C16orf96: variants seen among roughly 807,000 people sequenced by gnomAD.
C16orf96 encodes the protein uncharacterized protein C16orf96.
C16orf96 carries 108 observed loss-of-function variants against 103.6 expected under a neutral mutation model. That is an observed-to-expected ratio of 1.04 (90% CI 0.89 to 1.22). The LOEUF is 1.22. Among genes scored for constraint, C16orf96 ranks in the 50% most tolerant of loss-of-function variants. The pLI, the probability that C16orf96 is intolerant of heterozygous loss-of-function variation, is 0.00. For synonymous variants in C16orf96, 566 were observed against 593.5 expected, an observed-to-expected ratio of 0.95 and a Z score of 0.67; for missense variants, 1,586 against 1,464.2, an observed-to-expected ratio of 1.08 and a Z score of -1.36.
chr16:4,547,396 C>G, the C16orf96 span, among the ~76,000 whole-genome samples: 1 of 148,810 alleles, frequency 6.7e-6, no homozygotes, highest in Non-Finnish European at 1.5e-5. Flanking sequence ...CTTGGCCTCC[C>G]AAAGTGCTGG....
Position 4,595,014 on chromosome 16 carries a change from T to C in C16orf96, c.3127+211T>C, listed in dbSNP as rs1050642372. ...AGACCGCGGGAGCGAGGATCTGCTG[T>C]TCCCGAGATCAACAGCTGACCAGAG... On this transcript the variant is annotated intron_variant, in intron 14 of 15. Coordinates refer to ENST00000444310, the MANE Select transcript of C16orf96 (RefSeq NM_001145011.2). Among the ~76,000 whole-genome samples, 4 of 152,224 alleles carry C rather than the reference T, an allele frequency of 2.6e-5. No individual in the cohort carries two copies. The South Asian group carries it at 8.3e-4, about 32-fold the overall frequency.
chr16:4,554,020 G>A (rs1213137303), upstream of C16orf96, among the ~76,000 whole-genome samples: 1 of 152,130 alleles, frequency 6.6e-6, no homozygotes, highest in East Asian at 1.9e-4. Flanking sequence ...GTGCTGGCTG[G>A]GTTGGGAGTC....
intron 7 of C16orf96, among the ~76,000 whole-genome samples, chr16:4,583,389 C>T (rs1896839871): frequency 1.3e-5 from 2 of 151,866 alleles, no homozygotes; most frequent in South Asian, 4.2e-4. Flanking sequence ...GCCTATAGTC[C>T]CAGCTACCAG....
upstream of C16orf96, among the ~76,000 whole-genome samples, chr16:4,551,669 G>GT (rs397779309): frequency 0.011 from 1 of 90 alleles, no homozygotes. Flanking sequence ...TAGCCAGGAT[G>GT]TCTCCATCTC....
the C16orf96 span, among the ~76,000 whole-genome samples, chr16:4,540,999 C>T: frequency 2.0e-5 from 3 of 151,610 alleles, no homozygotes; most frequent in Admixed American, 6.6e-5. Context: ...CTGCAACCTC[C>T]GTCTCCCAGG....
At chr16:4,583,822 G>A (rs1896849114) in intron 7 of C16orf96, among the ~76,000 whole-genome samples, 1 of 151,636 alleles carries the variant, frequency 6.6e-6, no homozygotes, top group South Asian at 2.1e-4. Context: ...TTACTTGGGA[G>A]GCTGAGGCAG....
At chr16:4,567,501 T>C (rs147371493) in intron 1 of C16orf96, among the ~76,000 whole-genome samples, 3,053 of 151,454 alleles carry the variant, frequency 0.02, 61 homozygotes, top group Middle Eastern at 0.038. Flanking sequence ...TTAGCCAGGA[T>C]GGTTTTGATC....
At chr16:4,568,798 T>A (rs192758193) in intron 1 of C16orf96, among the ~76,000 whole-genome samples, 36 of 151,254 alleles carry the variant, frequency 2.4e-4, no homozygotes, top group Non-Finnish European at 3.8e-4. Flanking sequence ...CTGTCTAATT[T>A]TGGTATTTTT....
chr16:4,584,695 C>T (rs1215224494), intron 7 of C16orf96, among the ~76,000 whole-genome samples: 2 of 152,058 alleles, frequency 1.3e-5, no homozygotes, highest in Non-Finnish European at 2.9e-5. Flanking sequence ...CCACCACACT[C>T]GGCTAATTTT....
chr16:4,600,106 G>C lies in C16orf96; in HGVS notation c.3215G>C (p.Cys1072Ser). 4 of 1,551,096 alleles carry C rather than the reference G, an allele frequency of 2.6e-6. No homozygotes were observed. Residue 1072 changes from cysteine to serine, a missense_variant, in exon 16 of 16, where the codon TGC becomes TCC. Physicochemically the swap from Cys to Ser is moderately radical, Grantham distance 112. Transcript: ENST00000444310. ...TTCTCCTGCCCCTCCCCAGCCCTGTGCCCCCGCTCCAGTGCCTGCTCAGCT... is the reference window on the plus strand; with the variant it reads ...TTCTCCTGCCCCTCCCCAGCCCTGTCCCCCCGCTCCAGTGCCTGCTCAGCT... ...ALFGAICPPL[C>S]PRSSACSAAS...
chr16:4,582,838 TAGAA>T (rs1177743754), intron 7 of C16orf96, among the ~76,000 whole-genome samples: 1 of 152,142 alleles, frequency 6.6e-6, no homozygotes, highest in Admixed American at 6.5e-5. Context: ...TGTCACTTAT[TAGAA>T]AGACTCTGAA....
At chr16:4,562,836 G>A (rs841209) in intron 1 of C16orf96, 1,335,621 of 1,347,398 alleles carry the variant, frequency 0.99, 662,708 homozygotes, top group East Asian at 1. Context: ...TGTATCATCA[G>A]TGTCAGAAAT....
At chr16:4,546,181 CG>C in the C16orf96 span, among the ~76,000 whole-genome samples, 1 of 144,072 alleles carries the variant, frequency 6.9e-6, no homozygotes, top group Non-Finnish European at 1.5e-5. Context: ...TTTTTTGAGA[CG>C]GAGTCTGGCT....
At chr16:4,549,517 C>T in the C16orf96 span, among the ~76,000 whole-genome samples, 1 of 149,530 alleles carries the variant, frequency 6.7e-6, no homozygotes, top group Non-Finnish European at 1.5e-5. Context: ...CAGCTGGGCA[C>T]AGTGGCTCAC....
Position 4,556,855 on chromosome 16 carries a change from G to T in C16orf96, c.366G>T (p.Trp122Cys), listed in dbSNP as rs1486996581. The change falls in exon 1 of 16, where the codon TGG becomes TGT. Residue 122 changes from tryptophan to cysteine, a missense_variant. By Grantham distance (215) the Trp-to-Cys change is radical (BLOSUM62 -2). Transcript: ENST00000444310. ...CTGCCCGGCCCGTCCAGGACCTGTG[G>T]CATCTGATCAAGCTCCGGAAGATGG... Reference protein sequence around the residue: ...QGTARPVQDLWHLIKLRKMVE... With the variant: ...QGTARPVQDLCHLIKLRKMVE... 6.4e-7 allele frequency: 1 copy of T among 1,551,278 alleles called. No homozygotes were observed. Among genetic ancestry groups the T allele is most frequent in the South Asian group, 1.2e-5 (1 of 84,048 alleles).
chr16:4,564,615 A>G (rs1214460758), intron 1 of C16orf96, among the ~76,000 whole-genome samples: 3 of 152,182 alleles, frequency 2.0e-5, no homozygotes, highest in Non-Finnish European at 4.4e-5. Context: ...GTTCCAGGCC[A>G]GCCTGGCCGA....
chr16:4,549,343 G>A, the C16orf96 span, among the ~76,000 whole-genome samples: 1 of 151,792 alleles, frequency 6.6e-6, no homozygotes, highest in Non-Finnish European at 1.5e-5. Context: ...CGTGGTGGCG[G>A]GTGCCTGTAG....
the C16orf96 span, among the ~76,000 whole-genome samples, chr16:4,547,701 T>G: frequency 9.6e-4 from 35 of 36,544 alleles, 1 homozygote; most frequent in African/African-American, 2.5e-3. Context: ...TCTTTCTTTC[T>G]TTCTTTCTTT....
rs1181118994 is a variant in C16orf96, at chr16:4,594,712, G to A, written c.3036G>A (p.Val1012=). The A allele has an allele frequency of 5.2e-6, 8 of 1,551,162 alleles. No homozygotes were observed. In the East Asian group the frequency reaches 1.7e-4, roughly 33 times the overall value. Residue 1012 remains valine (V), a synonymous_variant, in exon 14 of 16, where the codon GTG becomes GTA. Transcript: ENST00000444310. ...PHVIDYDSAE[V]DILGVDGILY... Reference sequence around the variant, plus strand: ...CCTGGGCCATCCAACAGGCCGAGGTGGACATCCTGGGCGTGGATGGGATCC... The same window carrying A: ...CCTGGGCCATCCAACAGGCCGAGGTAGACATCCTGGGCGTGGATGGGATCC...
Sources: gnomAD v4.1 joint callset for allele counts (sites outside exome capture counted in the v4.1 genomes callset) on GRCh38, gnomAD v4.1.1 for gene constraint, MANE v1.5 for transcripts, NCBI Gene and HGNC (gene_info 2026-07-23, HGNC 2026-07-21) for gene names.